Variants in DLGAP1 observed in about 807,000 individuals in gnomAD.
DLGAP1 encodes DLG associated protein 1.
In DLGAP1, 11 loss-of-function variants were observed where a neutral mutation model predicts 90.8. That is an observed-to-expected ratio of 0.12 (90% confidence interval 0.08 to 0.20). The LOEUF is 0.20. Among genes scored for constraint, DLGAP1 ranks in the 10% least tolerant of loss-of-function variants. DLGAP1 has a pLI of 1.00. For synonymous variants in DLGAP1, 558 were observed against 540.7 expected, an observed-to-expected ratio of 1.03 and a Z score of -0.44; for missense variants, 1,050 against 1,333.8, an observed-to-expected ratio of 0.79 and a Z score of 3.31.
chr18:4,298,517 G>A (rs144315842), intron 1 of DLGAP1, among the ~76,000 whole-genome samples: 28 of 150,634 alleles, frequency 1.9e-4, no homozygotes, highest in South Asian at 6.3e-4. Flanking sequence ...GTAAACTATC[G>A]CAAGAACAAA....
At chr18:3,897,994 CCT>C (rs2071684098) in intron 3 of DLGAP1, among the ~76,000 whole-genome samples, 1 of 151,862 alleles carries the variant, frequency 6.6e-6, no homozygotes, top group Non-Finnish European at 1.5e-5. Context: ...CGGGGTTTCA[CCT>C]TGTTAGCCAG....
At chr18:4,424,077 G>A (rs367682591) in intron 1 of DLGAP1, among the ~76,000 whole-genome samples, 27 of 152,136 alleles carry the variant, frequency 1.8e-4, no homozygotes, top group African/African-American at 5.8e-4. Flanking sequence ...ACTTGAAGCT[G>A]GAGGTGGAGG....
At chr18:3,541,595 G>T (rs910682801) in intron 9 of DLGAP1, among the ~76,000 whole-genome samples, 1 of 152,206 alleles carries the variant, frequency 6.6e-6, no homozygotes, top group African/African-American at 2.4e-5. Flanking sequence ...GTCTTTCCAA[G>T]TCTGTGGTCC....
intron 4 of DLGAP1, among the ~76,000 whole-genome samples, chr18:3,843,741 C>A (rs1226931841): frequency 6.6e-6 from 1 of 152,092 alleles, no homozygotes; most frequent in African/African-American, 2.4e-5. Flanking sequence ...GCCATGAAAT[C>A]AAACATTTAA....
intron 7 of DLGAP1, among the ~76,000 whole-genome samples, chr18:3,604,812 C>A (rs1170735618): frequency 6.6e-6 from 1 of 152,136 alleles, no homozygotes; most frequent in African/African-American, 2.4e-5. Context: ...GCAGTTTCAC[C>A]ATTTAGAAAA....
intron 2 of DLGAP1, among the ~76,000 whole-genome samples, chr18:4,065,283 C>G (rs1209208689): frequency 1.3e-5 from 2 of 152,074 alleles, no homozygotes; most frequent in African/African-American, 2.4e-5. Flanking sequence ...CAAGGATGCC[C>G]TCTCTCATCA....
chr18:3,737,854 T>C (rs1384756199), intron 6 of DLGAP1, among the ~76,000 whole-genome samples: 1 of 150,200 alleles, frequency 6.7e-6, no homozygotes, highest in East Asian at 2.0e-4. Context: ...GCAGACGACA[T>C]GATTGTATAT....
intron 3 of DLGAP1, among the ~76,000 whole-genome samples, chr18:3,966,117 G>A (rs1227649410): frequency 6.6e-6 from 1 of 151,938 alleles, no homozygotes; most frequent in African/African-American, 2.4e-5. Context: ...GAATGATAGG[G>A]TGGTAGAAAC....
At chr18:4,332,444 C>A (rs676275) in intron 1 of DLGAP1, among the ~76,000 whole-genome samples, 3 of 150,884 alleles carry the variant, frequency 2.0e-5, no homozygotes, top group Non-Finnish European at 4.4e-5. Flanking sequence ...TTTTAAAAAG[C>A]AAACTGATTC....
At chr18:4,003,450 T>TG (rs1410294927) in intron 3 of DLGAP1, among the ~76,000 whole-genome samples, 1 of 151,614 alleles carries the variant, frequency 6.6e-6, no homozygotes, top group East Asian at 1.9e-4. Context: ...TTTTTTTTTT[T>TG]TTTTGGAAGT....
intron 2 of DLGAP1, chr18:4,013,882 A>C (rs997399744): frequency 2.0e-5 from 3 of 152,204 alleles, no homozygotes; most frequent in Non-Finnish European, 2.9e-5. Context: ...CATAACGAAC[A>C]TATTTCTATA....
intron 9 of DLGAP1, among the ~76,000 whole-genome samples, chr18:3,539,827 G>A (rs1365120668): frequency 6.6e-6 from 1 of 152,218 alleles, no homozygotes; most frequent in Non-Finnish European, 1.5e-5. Context: ...ATTTTTAGGA[G>A]AGTAGCTTAG....
At chr18:3,650,231 A>G (rs944488959) in intron 7 of DLGAP1, among the ~76,000 whole-genome samples, 4 of 152,050 alleles carry the variant, frequency 2.6e-5, no homozygotes, top group Admixed American at 6.6e-5. Context: ...TTTAGTAGAG[A>G]CAGAGTTTCA....
intron 1 of DLGAP1, among the ~76,000 whole-genome samples, chr18:4,404,576 A>G (rs763607188): frequency 6.6e-6 from 1 of 152,352 alleles, no homozygotes; most frequent in African/African-American, 2.4e-5. Context: ...TCTTACATAC[A>G]TTACTGGGAA....
intron 1 of DLGAP1, among the ~76,000 whole-genome samples, chr18:4,234,769 C>T (rs977637238): frequency 6.6e-6 from 1 of 152,168 alleles, no homozygotes; most frequent in Non-Finnish European, 1.5e-5. Flanking sequence ...AGCATCAACT[C>T]TCACTACACC....
intron 1 of DLGAP1, among the ~76,000 whole-genome samples, chr18:4,309,847 T>A (rs909771879): frequency 6.6e-6 from 1 of 152,202 alleles, no homozygotes; most frequent in African/African-American, 2.4e-5. Context: ...CTCCACAGGC[T>A]TTTTGAAAAT....
chr18:4,039,351 C>G (rs2074941374), intron 2 of DLGAP1, among the ~76,000 whole-genome samples: 1 of 152,136 alleles, frequency 6.6e-6, no homozygotes, highest in South Asian at 2.1e-4. Context: ...TAGGGCTCAG[C>G]AGTACAGCTG....
At chr18:4,379,856 A>G (rs1377812865) in intron 1 of DLGAP1, among the ~76,000 whole-genome samples, 2 of 152,216 alleles carry the variant, frequency 1.3e-5, no homozygotes, top group Admixed American at 6.5e-5. Context: ...TCTAACAAGA[A>G]TATTTAAATG....
chr18:3,564,321 C>G (rs558571058), intron 9 of DLGAP1, among the ~76,000 whole-genome samples: 1 of 151,940 alleles, frequency 6.6e-6, no homozygotes, highest in Non-Finnish European at 1.5e-5. Flanking sequence ...ATTTTTTTCT[C>G]TTACGTGGGA....
Sources: allele counts gnomAD v4.1 joint callset (sites outside exome capture counted in the v4.1 genomes callset), GRCh38; gene constraint gnomAD v4.1.1; transcripts MANE v1.5; gene names NCBI Gene and HGNC (gene_info 2026-07-23, HGNC 2026-07-21).